The following PTPRM variants were observed in gnomAD, a reference collection of about 807,000 sequenced individuals.
The protein encoded by PTPRM is protein tyrosine phosphatase receptor type M.
Under a neutral mutation model 186.7 loss-of-function variants are expected in PTPRM, and 47 were observed. The ratio of observed to expected loss-of-function variants is 0.25; its 90% CI spans 0.20 to 0.32. The LOEUF is 0.32. Among genes scored for constraint, PTPRM ranks in the 10% least tolerant of loss-of-function variants. The probability of loss-of-function intolerance (pLI) is 1.00; values close to 1 mark genes in which losing one functional copy is unlikely to be tolerated. For missense variants in PTPRM, 1,494 were observed against 1,865.0 expected (o/e 0.80, Z 3.66); for synonymous variants, 668 against 674.9 (o/e 0.99, Z 0.16).
intron 14 of PTPRM, among the ~76,000 whole-genome samples, chr18:8,238,865 C>G (rs935694920): frequency 6.6e-6 from 1 of 151,432 alleles, no homozygotes; most frequent in African/African-American, 2.4e-5. Flanking sequence ...TCCTCTCCCC[C>G]ACCGTTAGTT....
intron 14 of PTPRM, among the ~76,000 whole-genome samples, chr18:8,204,323 G>T (rs80289567): frequency 0.08 from 12,197 of 152,106 alleles, 638 homozygotes; most frequent in Middle Eastern, 0.33. Context: ...GTGTTCAGTT[G>T]TGTGGGGAAG....
chr18:7,793,222 T>C (rs367874374), intron 2 of PTPRM, among the ~76,000 whole-genome samples: 28 of 152,310 alleles, frequency 1.8e-4, no homozygotes, highest in African/African-American at 6.5e-4. Context: ...TTAGCGTAGT[T>C]GTTAAGAGCA....
chr18:7,792,744 A>T (rs1460731211), intron 2 of PTPRM, among the ~76,000 whole-genome samples: 2 of 152,082 alleles, frequency 1.3e-5, no homozygotes, highest in Admixed American at 6.6e-5. Context: ...GGCTTACTGC[A>T]GCCTTCACCT....
intron 7 of PTPRM, among the ~76,000 whole-genome samples, chr18:7,984,923 A>G (rs2082795731): frequency 1.0e-5 from 1 of 98,884 alleles, no homozygotes. Context: ...TTATATATAC[A>G]TATATAAATA....
In PTPRM at chr18:7,949,370, T is replaced by C; in HGVS notation, c.838+15T>C. 1 of 1,592,406 alleles carries C rather than the reference T, an allele frequency of 6.3e-7. No homozygotes were observed. The highest frequency in any genetic ancestry group is 8.6e-7 in the Non-Finnish European group (1 of 1,163,704). ...GGTAGTTAAAGGTATTTAATGTGTT[T>C]TTATACCAGAATATTCTTCTAAAGT... On this transcript the variant is annotated intron_variant, in intron 6 of 32. Transcript: ENST00000580170.
rs542304581 is a variant in PTPRM at position 7,568,599 on chromosome 18, C to G, written c.73+708C>G. 2.4e-4 allele frequency among the ~76,000 whole-genome samples: 36 copies of G among 152,340 alleles called. No homozygotes were observed. The highest frequency in any genetic ancestry group is 3.4e-3 in the Middle Eastern group (1 of 294). On this transcript the variant is annotated intron_variant, in intron 1 of 32. Coordinates refer to ENST00000580170, the MANE Select transcript of PTPRM (RefSeq NM_001105244.2). This position sits in a 1 kb window ranked among gnomAD's most constrained non-coding sequence, Gnocchi z 5.1. ...CGCCCCGCTGGGCTCCCCCTCCCCACCCTCGTCCCCCTAGCGGAGCGCCGC... is the reference window on the plus strand; with the variant it reads ...CGCCCCGCTGGGCTCCCCCTCCCCAGCCTCGTCCCCCTAGCGGAGCGCCGC...
At chr18:7,982,522 TTTTTTTTTTTTAGTA>T (rs1321601223) in intron 7 of PTPRM, among the ~76,000 whole-genome samples, 8 of 146,698 alleles carry the variant, frequency 5.5e-5, no homozygotes, top group African/African-American at 1.7e-4. Context: ...ACAGTTAACT[TTTTTTTTTTTTAGTA>T]TAAGTAGAAT....
chr18:7,653,202 A>G (rs1215933139), intron 1 of PTPRM, among the ~76,000 whole-genome samples: 1 of 151,536 alleles, frequency 6.6e-6, no homozygotes, highest in Admixed American at 6.6e-5. Context: ...GTGGGAGTGC[A>G]GTGGCATGAA....
intron 1 of PTPRM, among the ~76,000 whole-genome samples, chr18:7,588,355 C>A (rs1473430012): frequency 1.3e-5 from 2 of 152,088 alleles, no homozygotes; most frequent in African/African-American, 4.8e-5. Context: ...ATTGTTATAG[C>A]AGCTAGCATA....
chr18:8,019,810 ATAAT>A (rs934038180), intron 7 of PTPRM, among the ~76,000 whole-genome samples: 5 of 147,794 alleles, frequency 3.4e-5, no homozygotes, highest in Non-Finnish European at 6.0e-5. Context: ...TATAATATAA[ATAAT>A]ATTTATTTAT....
intron 11 of PTPRM, among the ~76,000 whole-genome samples, chr18:8,091,157 C>T (rs1376537996): frequency 9.9e-5 from 15 of 152,162 alleles, no homozygotes; most frequent in Admixed American, 9.8e-4. Context: ...GATCCAAATG[C>T]TTGTCAGAGT....
At chr18:7,974,769 C>T (rs1431286110) in intron 7 of PTPRM, among the ~76,000 whole-genome samples, 1 of 152,204 alleles carries the variant, frequency 6.6e-6, no homozygotes, top group African/African-American at 2.4e-5. Context: ...GTTCCCCAGT[C>T]ATAGAATGTA....
Position 8,213,409 on chromosome 18 carries a change from G to C in PTPRM, c.2301-30649G>C, listed in dbSNP as rs117004583. Among the ~76,000 whole-genome samples, 3 of 152,248 alleles carry C rather than the reference G, an allele frequency of 2.0e-5. No individual in the cohort carries two copies. In the East Asian group the frequency reaches 5.8e-4, roughly 29 times the overall value. Reference sequence around the variant, plus strand: ...GATTCCAATGGTTCAGATATTTAACGGTCACCCGTGTTTATACTACTTTTG... The same window carrying C: ...GATTCCAATGGTTCAGATATTTAACCGTCACCCGTGTTTATACTACTTTTG... On this transcript the variant is annotated intron_variant, in intron 14 of 32. Coordinates refer to ENST00000580170, the MANE Select transcript of PTPRM (RefSeq NM_001105244.2).
At position 7,896,215 on chromosome 18, in the gene PTPRM, G is replaced by T. The variant is rs187562359; in HGVS notation, c.468+7838G>T. 2.7e-3 allele frequency among the ~76,000 whole-genome samples: 405 copies of T among 152,138 alleles called. 3 individuals are homozygous for T. Among genetic ancestry groups the T allele is most frequent in the African/African-American group, 8.6e-3 (355 of 41,520 alleles). ...CCTTTGATTTAGACATTGATTTTTT[G>T]CCATTTGAAGAATAATATTTTCCTC... On this transcript the variant is annotated intron_variant, in intron 3 of 32. Coordinates refer to ENST00000580170, the MANE Select transcript of PTPRM (RefSeq NM_001105244.2).
At chr18:7,696,355 A>G (rs887023272) in intron 1 of PTPRM, among the ~76,000 whole-genome samples, 4 of 152,146 alleles carry the variant, frequency 2.6e-5, no homozygotes, top group African/African-American at 9.7e-5. Flanking sequence ...ATGACATCTA[A>G]ATTTGAATTT....
intron 2 of PTPRM, among the ~76,000 whole-genome samples, chr18:7,864,577 C>T (rs577262027): frequency 1.3e-5 from 2 of 152,248 alleles, no homozygotes; most frequent in Admixed American, 1.3e-4. Flanking sequence ...GGTACCAGTA[C>T]CATGCTGTTT....
intron 32 of PTPRM, chr18:8,405,013 C>T (rs922867717): frequency 2.0e-5 from 3 of 152,078 alleles, no homozygotes; most frequent in African/African-American, 7.3e-5. Context: ...AAAATGAATC[C>T]AATGCTGGAT....
intron 13 of PTPRM, among the ~76,000 whole-genome samples, chr18:8,129,811 T>C (rs1401150232): frequency 6.6e-6 from 1 of 152,132 alleles, no homozygotes; most frequent in African/African-American, 2.4e-5. Context: ...CAAGAATTAA[T>C]TTAGAATAAA....
At chr18:7,982,214 T>C (rs2082591182) in intron 7 of PTPRM, among the ~76,000 whole-genome samples, 1 of 152,158 alleles carries the variant, frequency 6.6e-6, no homozygotes, top group African/African-American at 2.4e-5. Context: ...AAACACATTG[T>C]ACAACTGTAC....
Sources: allele counts gnomAD v4.1 joint callset (sites outside exome capture counted in the v4.1 genomes callset), GRCh38; gene constraint gnomAD v4.1.1; non-coding constraint Gnocchi (gnomAD v3.1); transcripts MANE v1.5; gene names NCBI Gene and HGNC (gene_info 2026-07-23, HGNC 2026-07-21).